TNFRSF11B: variants seen among roughly 807,000 people sequenced by gnomAD.
TNFRSF11B encodes the protein TNF receptor superfamily member 11b.
Under a neutral mutation model 43.4 loss-of-function variants are expected in TNFRSF11B, and 16 were observed. That is an observed-to-expected ratio of 0.37 (90% CI 0.25 to 0.56). The LOEUF is 0.56. TNFRSF11B is among the 20% of genes least tolerant of loss of function. TNFRSF11B has a pLI of 0.80. For missense variants in TNFRSF11B, 444 were observed against 490.1 expected, an observed-to-expected ratio of 0.91 and a Z score of 0.89; for synonymous variants, 185 against 181.8, an observed-to-expected ratio of 1.02 and a Z score of -0.14.
intron 3 of TNFRSF11B, 22 bp from the exon 4 acceptor site, chr8:118,926,740 C>T: frequency 6.3e-7 from 1 of 1,596,680 alleles, no homozygotes; most frequent in Non-Finnish European, 8.6e-7. Flanking sequence ...TTAGAAAACC[C>T]AGAAGATTTA....
chr8:118,937,314 C>T (rs1367844848), intron 1 of TNFRSF11B, among the ~76,000 whole-genome samples: 3 of 152,166 alleles, frequency 2.0e-5, no homozygotes. Flanking sequence ...CTCTAATCCC[C>T]TTCATACTTC....
At position 118,938,018 on chromosome 8, in the gene TNFRSF11B, A is replaced by T. The variant is rs1324230224; in HGVS notation, c.31-4718T>A. ...GCGCTAACTGATTTTGCAATTAATC[A>T]TTCAGCTGTTGGTCACAAATATACA... On this transcript the variant is annotated intron_variant, in intron 1 of 4. Coordinates refer to ENST00000297350, the MANE Select transcript of TNFRSF11B (RefSeq NM_002546.4). Among the ~76,000 whole-genome samples, 6 of 152,340 alleles carry T rather than the reference A, an allele frequency of 3.9e-5. No individual in the cohort carries two copies. The East Asian group carries it at 9.6e-4, about 24-fold the overall frequency.
At chr8:118,928,105 C>A (rs1330574723) in intron 3 of TNFRSF11B, among the ~76,000 whole-genome samples, 2 of 151,882 alleles carry the variant, frequency 1.3e-5, no homozygotes, top group Non-Finnish European at 2.9e-5. Context: ...CTCACTGCAA[C>A]CTCCATCTCC....
At chr8:118,946,204 G>A (rs937131164) in intron 1 of TNFRSF11B, among the ~76,000 whole-genome samples, 4 of 152,060 alleles carry the variant, frequency 2.6e-5, no homozygotes, top group South Asian at 4.1e-4. Context: ...CAAGCACCTC[G>A]GAAATTATGC....
At chr8:118,942,251 T>TCATGAG (rs1812497657) in intron 1 of TNFRSF11B, among the ~76,000 whole-genome samples, 1 of 114,612 alleles carries the variant, frequency 8.7e-6, no homozygotes, top group East Asian at 3.1e-4. Context: ...CCCCCGTGTG[T>TCATGAG]GATGTTCCTC....
intron 4 of TNFRSF11B, 29 bp from the exon 5 acceptor site, chr8:118,924,791 T>A: frequency 6.2e-7 from 1 of 1,613,746 alleles, no homozygotes; most frequent in Non-Finnish European, 8.5e-7. Flanking sequence ...CAGATAAGTG[T>A]TCACATCATT....
intron 4 of TNFRSF11B, among the ~76,000 whole-genome samples, chr8:118,925,424 T>A (rs11573935): frequency 0.099 from 15,038 of 152,286 alleles, 869 homozygotes; most frequent in South Asian, 0.14. Flanking sequence ...TCCTCATTTA[T>A]AAAATAGGGA....
chr8:118,941,482 A>C (rs138737949), intron 1 of TNFRSF11B, among the ~76,000 whole-genome samples: 32 of 152,302 alleles, frequency 2.1e-4, no homozygotes, highest in African/African-American at 7.5e-4. Context: ...AATTCCACAC[A>C]ATTTTGCTTC....
intron 2 of TNFRSF11B, 155 bp from the exon 3 acceptor site, chr8:118,929,084 A>G (rs1174007968): frequency 1.5e-6 from 1 of 685,952 alleles, no homozygotes; most frequent in East Asian, 2.7e-5. Context: ...ACTTCATTAG[A>G]CAGAACAAAA....
At chr8:118,939,867 A>G (rs993748158) in intron 1 of TNFRSF11B, among the ~76,000 whole-genome samples, 10 of 152,180 alleles carry the variant, frequency 6.6e-5, no homozygotes, top group African/African-American at 2.4e-4. Context: ...AAAAGGACAA[A>G]AGTGTTAACC....
At chr8:118,944,268 G>T (rs1256746376) in intron 1 of TNFRSF11B, among the ~76,000 whole-genome samples, 1 of 152,106 alleles carries the variant, frequency 6.6e-6, no homozygotes, top group African/African-American at 2.4e-5. Flanking sequence ...CTCTGTCCGG[G>T]ACCTAGGATG....
Position 118,944,346 on chromosome 8 carries a change from C to T in TNFRSF11B, c.30+7446G>A, listed in dbSNP as rs892064668. Among the ~76,000 whole-genome samples the T allele has an allele frequency of 2.0e-5, 3 of 152,180 alleles. 1 individual carries two copies. The highest frequency in any genetic ancestry group is 7.2e-5 in the African/African-American group (3 of 41,538). On this transcript the variant is annotated intron_variant, in intron 1 of 4. Transcript: ENST00000297350. ...GGAGGAAAAGGGAAAAAACAAACAA[C>T]TTTGGGAGGGCTGTATACATCAACT...
At chr8:118,941,386 C>T (rs999704456) in intron 1 of TNFRSF11B, among the ~76,000 whole-genome samples, 1 of 152,154 alleles carries the variant, frequency 6.6e-6, no homozygotes, top group African/African-American at 2.4e-5. Flanking sequence ...TCTATACAGA[C>T]CTGATTTGCT....
At chr8:118,946,529 C>T (rs572062163) in intron 1 of TNFRSF11B, among the ~76,000 whole-genome samples, 8 of 152,256 alleles carry the variant, frequency 5.3e-5, no homozygotes, top group African/African-American at 1.7e-4. Context: ...AGATAGTTTA[C>T]GGATGTTCCT....
At chr8:118,941,784 C>T (rs1812491758) in intron 1 of TNFRSF11B, among the ~76,000 whole-genome samples, 1 of 152,112 alleles carries the variant, frequency 6.6e-6, no homozygotes, top group African/African-American at 2.4e-5. Flanking sequence ...CAGGCATATG[C>T]TTAAAATTTT....
At chr8:118,944,282 T>C (rs1812528785) in intron 1 of TNFRSF11B, among the ~76,000 whole-genome samples, 1 of 152,116 alleles carries the variant, frequency 6.6e-6, no homozygotes, top group Non-Finnish European at 1.5e-5. Flanking sequence ...TAGGATGATA[T>C]AGCAACCAAT....
intron 1 of TNFRSF11B, among the ~76,000 whole-genome samples, chr8:118,948,236 A>AT (rs1435187845): frequency 2.0e-5 from 3 of 152,082 alleles, no homozygotes; most frequent in Non-Finnish European, 4.4e-5. Flanking sequence ...ATGCAAACAA[A>AT]TTTTTGTAAG....
At chr8:118,941,988 T>C (rs1359698216) in intron 1 of TNFRSF11B, among the ~76,000 whole-genome samples, 1 of 152,180 alleles carries the variant, frequency 6.6e-6, no homozygotes, top group East Asian at 1.9e-4. Flanking sequence ...GTAGCACCGC[T>C]ACCTCAGGGT....
Position 118,928,863 on chromosome 8 carries a change from G to T in TNFRSF11B, c.467C>A (p.Ser156Tyr). Reference protein sequence around the residue: ...PDGFFSNETSSKAPCRKHTNC... With the variant: ...PDGFFSNETSYKAPCRKHTNC... The stretch of plus-strand genomic sequence containing the variant: ...TGTGTGTTTTCTACAGGGTGCTTTA[G>T]ATGACGTCTCATTTGAGAAGAACCC... The change falls in exon 3 of 5, where the codon TCT becomes TAT. Residue 156 changes from serine (S) to tyrosine (Y), a missense_variant. By Grantham distance (144) the Ser-to-Tyr change is moderately radical (BLOSUM62 -2). Transcript: ENST00000297350. 1 of 1,614,202 alleles carries T rather than the reference G, an allele frequency of 6.2e-7. No individual in the cohort carries two copies. Among genetic ancestry groups the T allele is most frequent in the Non-Finnish European group, 8.5e-7 (1 of 1,180,042 alleles).
Sources: gnomAD v4.1 joint callset for allele counts (sites outside exome capture counted in the v4.1 genomes callset) on GRCh38, gnomAD v4.1.1 for gene constraint, MANE v1.5 for transcripts, NCBI Gene and HGNC (gene_info 2026-07-23, HGNC 2026-07-21) for gene names.